The following PSMD1 variants were observed in gnomAD, a reference collection of about 807,000 sequenced individuals.
The protein encoded by PSMD1 is proteasome 26S subunit, non-ATPase 1, also known as 26S proteasome non-ATPase regulatory subunit 1.
In PSMD1, 18 loss-of-function variants were observed where a neutral mutation model predicts 119.0. The observed-to-expected ratio is 0.15, with a 90% CI of 0.10 to 0.22. The LOEUF (loss-of-function observed/expected upper bound fraction) is 0.22. Ranked by LOEUF, PSMD1 falls within the 10% of genes least tolerant of loss-of-function variation. The pLI is 1.00. For missense variants in PSMD1, 702 were observed against 1,158.5 expected, an observed-to-expected ratio of 0.61 and a Z score of 5.72; for synonymous variants, 374 against 396.6, an observed-to-expected ratio of 0.94 and a Z score of 0.68.
intron 16 of PSMD1, among the ~76,000 whole-genome samples, chr2:231,116,972 GAA>G (rs1247934344): frequency 6.6e-6 from 1 of 151,754 alleles, no homozygotes; most frequent in Non-Finnish European, 1.5e-5. Context: ...ACACAAAAAA[GAA>G]AAAGAGGCTT....
At chr2:231,102,634 C>T (rs1196851400) in intron 16 of PSMD1, among the ~76,000 whole-genome samples, 1 of 151,806 alleles carries the variant, frequency 6.6e-6, no homozygotes, top group Non-Finnish European at 1.5e-5. Context: ...TCAGAAAGGT[C>T]TTTACCCCAT....
chr2:231,132,832 T>A (rs1474184208), intron 16 of PSMD1, among the ~76,000 whole-genome samples: 1 of 152,126 alleles, frequency 6.6e-6, no homozygotes, highest in Non-Finnish European at 1.5e-5. Flanking sequence ...CAGTGAGAGG[T>A]GATAGGAACT....
chr2:231,147,579 C>T (rs890934369), intron 18 of PSMD1, among the ~76,000 whole-genome samples: 1 of 152,212 alleles, frequency 6.6e-6, no homozygotes, highest in Non-Finnish European at 1.5e-5. Flanking sequence ...CTTGTCATTT[C>T]AGCCAAAACT....
intron 20 of PSMD1, among the ~76,000 whole-genome samples, chr2:231,162,862 C>A (rs116247332): frequency 0.029 from 4,405 of 150,604 alleles, 191 homozygotes; most frequent in African/African-American, 0.1. Flanking sequence ...AGAAAGGAAG[C>A]CGAGGCGGGT....
intron 16 of PSMD1, among the ~76,000 whole-genome samples, chr2:231,119,333 A>G (rs1695450568): frequency 6.6e-6 from 1 of 152,110 alleles, no homozygotes; most frequent in Non-Finnish European, 1.5e-5. Flanking sequence ...TGCATGCAGT[A>G]CTCTACCAGT....
intron 15 of PSMD1, 94 bp from the exon 16 acceptor site, chr2:231,087,023 A>G: frequency 1.1e-6 from 1 of 929,292 alleles, no homozygotes; most frequent in South Asian, 1.4e-5. Context: ...GTAGTGAGGT[A>G]TACACTCACT....
chr2:231,172,036 C>G (rs1007001023), intron 24 of PSMD1, among the ~76,000 whole-genome samples: 1 of 152,158 alleles, frequency 6.6e-6, no homozygotes, highest in South Asian at 2.1e-4. Flanking sequence ...ATTTATACCT[C>G]AGGAAGACTA....
intron 16 of PSMD1, among the ~76,000 whole-genome samples, chr2:231,093,434 G>A (rs1195003382): frequency 3.9e-5 from 6 of 152,060 alleles, no homozygotes; most frequent in South Asian, 2.1e-4. Flanking sequence ...CGCGTCGTCC[G>A]GGGCTGCTGG....
chr2:231,062,408 A>G, intron 3 of PSMD1, 87 bp downstream of exon 3: 4 of 1,531,586 alleles, frequency 2.6e-6, no homozygotes, highest in Non-Finnish European at 3.6e-6. Flanking sequence ...TCATTTAGAA[A>G]TTTGCTGTTA....
At chr2:231,164,770 A>T (rs1237521492) in intron 21 of PSMD1, among the ~76,000 whole-genome samples, 1 of 151,892 alleles carries the variant, frequency 6.6e-6, no homozygotes, top group Non-Finnish European at 1.5e-5. Context: ...TCCAGAGAGG[A>T]TATCTACAAC....
intron 16 of PSMD1, among the ~76,000 whole-genome samples, chr2:231,135,784 C>T (rs1175545359): frequency 6.6e-6 from 1 of 152,092 alleles, no homozygotes; most frequent in African/African-American, 2.4e-5. Flanking sequence ...TACTGTTTTT[C>T]CCATACTGTT....
chr2:231,101,786 T>A (rs547894798), intron 16 of PSMD1, among the ~76,000 whole-genome samples: 2 of 152,284 alleles, frequency 1.3e-5, no homozygotes, highest in Non-Finnish European at 2.9e-5. Context: ...AGGGCTCAGA[T>A]GGTCGGTGGC....
rs76034807 is a variant in PSMD1 at position 231,168,307 on chromosome 2, T to G, written c.2716-2259T>G. Among the ~76,000 whole-genome samples the G allele has an allele frequency of 9.2e-3, 1,407 of 152,332 alleles. 13 individuals carry two copies. The highest frequency in any genetic ancestry group is 0.016 in the South Asian group (77 of 4,832). ...CTTATCATATGACCCGGCAATTCCA[T>G]TCCATACCTAAGAGAAGAGAAAACT... On this transcript the variant is annotated intron_variant, in intron 23 of 24. Transcript: ENST00000308696.
rs1387638760 is a variant in PSMD1, at chr2:231,130,315, A to C, written c.1884-8421A>C. Among the ~76,000 whole-genome samples, 8 of 152,334 alleles carry C rather than the reference A, an allele frequency of 5.3e-5. No homozygotes were observed. The East Asian group carries it at 1.5e-3, about 29-fold the overall frequency. On this transcript the variant is annotated intron_variant, in intron 16 of 24. Transcript: ENST00000308696. Reference sequence around the variant, plus strand: ...TTTAAATAACATATCAAAACATGTGAAAGAGCTAAGTTATAGGTAACACAT... The same window carrying C: ...TTTAAATAACATATCAAAACATGTGCAAGAGCTAAGTTATAGGTAACACAT...
chr2:231,097,511 G>C (rs1287958606), intron 16 of PSMD1, among the ~76,000 whole-genome samples: 1 of 152,056 alleles, frequency 6.6e-6, no homozygotes, highest in Non-Finnish European at 1.5e-5. Flanking sequence ...ATAGCCTAAG[G>C]CTATCTTATT....
chr2:231,117,682 G>C (rs1182484845), intron 16 of PSMD1, among the ~76,000 whole-genome samples: 1 of 152,066 alleles, frequency 6.6e-6, no homozygotes, highest in South Asian at 2.1e-4. Flanking sequence ...ATTTTTATTT[G>C]TCTCCCAGAC....
intron 18 of PSMD1, among the ~76,000 whole-genome samples, chr2:231,148,580 G>A (rs2125255902): frequency 6.6e-6 from 1 of 152,300 alleles, no homozygotes; most frequent in South Asian, 2.1e-4. Context: ...ACAGCTAGTA[G>A]CCTTTGCCAG....
At chr2:231,140,803 A>G (rs547473089) in intron 17 of PSMD1, among the ~76,000 whole-genome samples, 3 of 152,202 alleles carry the variant, frequency 2.0e-5, no homozygotes, top group South Asian at 4.1e-4. Context: ...GCTTGAACCC[A>G]GGAGGTGGAG....
At chr2:231,099,730 G>A (rs112535329) in intron 16 of PSMD1, among the ~76,000 whole-genome samples, 8 of 152,234 alleles carry the variant, frequency 5.3e-5, no homozygotes, top group African/African-American at 1.9e-4. Flanking sequence ...TTCCCCACTG[G>A]AAATCTCTGC....
Sources: allele counts gnomAD v4.1 joint callset (sites outside exome capture counted in the v4.1 genomes callset), GRCh38; gene constraint gnomAD v4.1.1; transcripts MANE v1.5; gene names NCBI Gene and HGNC (gene_info 2026-07-23, HGNC 2026-07-21).